Variants in TBC1D8 observed in about 807,000 individuals in gnomAD.
TBC1D8 encodes the protein BUB2-like protein 1.
TBC1D8 carries 65 observed loss-of-function variants against 118.8 expected under a neutral mutation model. The ratio of observed to expected loss-of-function variants is 0.55; its 90% confidence interval spans 0.45 to 0.67. TBC1D8 has a LOEUF of 0.67. TBC1D8 is among the 30% of genes least tolerant of loss of function. The probability of loss-of-function intolerance (pLI) is 0.00; values close to 1 mark genes in which losing one functional copy is unlikely to be tolerated. For synonymous variants in TBC1D8, 566 were observed against 595.8 expected (o/e 0.95, Z 0.73); for missense variants, 1,376 against 1,471.2 (o/e 0.94, Z 1.06).
At chr2:101,008,336 A>T in intron 19 of TBC1D8, 63 bp from the exon 20 acceptor site, 30 of 1,236,492 alleles carry the variant, frequency 2.4e-5, no homozygotes, top group Non-Finnish European at 2.6e-5. Flanking sequence ...TTTTTTTTTT[A>T]AACATACCTG....
chr2:101,063,592 T>C (rs538600160), intron 2 of TBC1D8, among the ~76,000 whole-genome samples: 2 of 152,334 alleles, frequency 1.3e-5, no homozygotes, highest in African/African-American at 4.8e-5. Context: ...AGAAGTCTTA[T>C]GATGGGTTCC....
At chr2:101,105,348 A>G (rs1167415760) in intron 1 of TBC1D8, among the ~76,000 whole-genome samples, 1 of 152,172 alleles carries the variant, frequency 6.6e-6, no homozygotes, top group Non-Finnish European at 1.5e-5. Context: ...ATCTCACCAC[A>G]GAAGATATAC....
At chr2:101,052,468 T>G (rs1057125193) in intron 4 of TBC1D8, among the ~76,000 whole-genome samples, 1 of 138,574 alleles carries the variant, frequency 7.2e-6, no homozygotes, top group East Asian at 2.1e-4. Context: ...AATCATTTAT[T>G]TTTCCTAAAT....
At chr2:101,145,715 C>A (rs1573118498) in intron 1 of TBC1D8, among the ~76,000 whole-genome samples, 1 of 152,318 alleles carries the variant, frequency 6.6e-6, no homozygotes, top group East Asian at 1.9e-4. Context: ...GGAGGCACAG[C>A]ATGAGCACTC....
At chr2:101,138,774 C>T (rs1386601019) in intron 1 of TBC1D8, among the ~76,000 whole-genome samples, 1 of 152,146 alleles carries the variant, frequency 6.6e-6, no homozygotes, top group East Asian at 1.9e-4. Context: ...CTCCCCAAAC[C>T]CTAGAGTCCA....
intron 1 of TBC1D8, among the ~76,000 whole-genome samples, chr2:101,125,382 T>C (rs1678306623): frequency 6.6e-6 from 1 of 152,186 alleles, no homozygotes; most frequent in African/African-American, 2.4e-5. Context: ...ACTTGCAAAG[T>C]CAGGAATCTG....
intron 2 of TBC1D8, chr2:101,068,233 GA>G (rs771386589): frequency 5.8e-6 from 1 of 171,618 alleles, no homozygotes; most frequent in East Asian, 1.8e-4. Flanking sequence ...CTCCTTCCAA[GA>G]ATCACAAATG....
intron 2 of TBC1D8, among the ~76,000 whole-genome samples, chr2:101,085,865 G>C (rs1675583549): frequency 1.3e-5 from 2 of 152,242 alleles, no homozygotes; most frequent in South Asian, 4.1e-4. Context: ...CAACAGGCCG[G>C]GCGCGGCGGC....
chr2:101,028,592 G>A (rs1310132082), intron 12 of TBC1D8, 160 bp from the exon 13 acceptor site: 2 of 1,105,754 alleles, frequency 1.8e-6, no homozygotes, highest in Admixed American at 2.7e-5. Flanking sequence ...GAAGCGAGAG[G>A]CAGTCATGAA....
chr2:101,008,282 G>T lies in TBC1D8; in HGVS notation c.3016-9C>A. On this transcript the variant is annotated splice_polypyrimidine_tract_variant and intron_variant, in intron 19 of 19. Coordinates refer to ENST00000409318, the MANE Select transcript of TBC1D8 (RefSeq NM_001330348.2). ...AACTGGATAAATTCTCTCTGAAATT[G>T]AAATAAGTCTTAGGTAGCAGCAGAA... 6.6e-7 allele frequency: 1 copy of T among 1,513,860 alleles called. No homozygotes were observed. The highest frequency in any genetic ancestry group is 1.4e-5 in the South Asian group (1 of 74,006). The allele number at this position is 1,513,860 out of a possible 1,614,324, so 93.8% of individuals were successfully genotyped here.
chr2:101,094,865 G>C (rs1299665881), intron 1 of TBC1D8, among the ~76,000 whole-genome samples: 1 of 152,206 alleles, frequency 6.6e-6, no homozygotes, highest in Non-Finnish European at 1.5e-5. Context: ...AGACTATTCA[G>C]AGAACGAAGG....
chr2:101,093,703 A>G (rs1676200547), intron 1 of TBC1D8, among the ~76,000 whole-genome samples: 1 of 151,856 alleles, frequency 6.6e-6, no homozygotes, highest in South Asian at 2.1e-4. Context: ...CAACAGAGCA[A>G]GACTCCATCT....
chr2:101,013,371 G>T (rs1022180754), intron 17 of TBC1D8, among the ~76,000 whole-genome samples: 3 of 152,174 alleles, frequency 2.0e-5, no homozygotes, highest in African/African-American at 7.2e-5. Context: ...CTTTTTACAT[G>T]AGATATTTGG....
At chr2:101,101,089 T>C (rs1676795929) in intron 1 of TBC1D8, among the ~76,000 whole-genome samples, 1 of 152,090 alleles carries the variant, frequency 6.6e-6, no homozygotes, top group Non-Finnish European at 1.5e-5. Context: ...CAAAAGAAAT[T>C]AGTATCAGAG....
chr2:101,086,088 G>A (rs1675602103), intron 2 of TBC1D8, among the ~76,000 whole-genome samples: 1 of 151,114 alleles, frequency 6.6e-6, no homozygotes. Context: ...GTTTCAGTGA[G>A]CTGGGATTGT....
chr2:101,147,225 A>T lies in TBC1D8; in HGVS notation c.127+3902T>A, dbSNP rs549142009. 1.7e-3 allele frequency among the ~76,000 whole-genome samples: 259 copies of T among 152,328 alleles called. 2 individuals are homozygous for T. Among genetic ancestry groups the T allele is most frequent in the East Asian group, 4.6e-3 (24 of 5,186 alleles). On this transcript the variant is annotated intron_variant, in intron 1 of 19. Coordinates refer to ENST00000409318, the MANE Select transcript of TBC1D8 (RefSeq NM_001330348.2). ...TTTCCTTATTTATCTCTTGTTGGAC[A>T]CTTAGGTCGATTCCGTATCTTGGCT...
intron 4 of TBC1D8, among the ~76,000 whole-genome samples, chr2:101,052,197 T>C (rs1682117569): frequency 6.6e-6 from 1 of 152,232 alleles, no homozygotes; most frequent in Non-Finnish European, 1.5e-5. Context: ...ACTTAACATT[T>C]AGCCTGTGTC....
chr2:101,021,938 C>A (rs761209119), intron 16 of TBC1D8, among the ~76,000 whole-genome samples, 192 bp from the exon 17 acceptor site: 27 of 152,182 alleles, frequency 1.8e-4, no homozygotes, highest in Non-Finnish European at 2.5e-4. Flanking sequence ...CTCCACGGAA[C>A]TTTGTGAATG....
At chr2:101,128,844 G>C (rs1320108813) in intron 1 of TBC1D8, among the ~76,000 whole-genome samples, 1 of 152,122 alleles carries the variant, frequency 6.6e-6, no homozygotes, top group Non-Finnish European at 1.5e-5. Context: ...GACAAATACC[G>C]TGTGATTCTA....
Sources: gnomAD v4.1 joint callset for allele counts (sites outside exome capture counted in the v4.1 genomes callset) on GRCh38, gnomAD v4.1.1 for gene constraint, MANE v1.5 for transcripts, NCBI Gene and HGNC (gene_info 2026-07-23, HGNC 2026-07-21) for gene names.